SLC67A1: variants seen among roughly 807,000 people sequenced by gnomAD.
The protein encoded by SLC67A1 is solute carrier family 67 member A1.
the SLC67A1 span, among the ~76,000 whole-genome samples, chr11:2,911,608 C>G: frequency 6.6e-6 from 1 of 152,156 alleles, no homozygotes; most frequent in Admixed American, 6.5e-5. Context: ...TCTGCCGGCT[C>G]AGGGCCCAGC....
chr11:2,914,908 G>C, the SLC67A1 span: 1 of 985,444 alleles, frequency 1.0e-6, no homozygotes, highest in Non-Finnish European at 1.2e-6. Context: ...GTGCCTGCTG[G>C]CTGGAGGGAC....
the SLC67A1 span, among the ~76,000 whole-genome samples, chr11:2,924,462 G>A: frequency 1.3e-5 from 2 of 152,270 alleles, no homozygotes; most frequent in South Asian, 2.1e-4. This position sits in a 1 kb window ranked among gnomAD's most constrained non-coding sequence, Gnocchi z 8.6. Context: ...AAGCCCCAAC[G>A]GTGTCTCACA....
the SLC67A1 span, among the ~76,000 whole-genome samples, chr11:2,914,217 T>C: frequency 2.0e-5 from 3 of 152,214 alleles, no homozygotes; most frequent in Admixed American, 2.0e-4. Context: ...CAAATTAACC[T>C]GTCCCCACCT....
At chr11:2,911,576 G>C in the SLC67A1 span, among the ~76,000 whole-genome samples, 3 of 152,084 alleles carry the variant, frequency 2.0e-5, no homozygotes, top group African/African-American at 4.8e-5. Context: ...GCCATCCCAG[G>C]GTGCTGCCCA....
chr11:2,904,265 CCCT>C, the SLC67A1 span, among the ~76,000 whole-genome samples: 1 of 152,218 alleles, frequency 6.6e-6, no homozygotes, highest in Admixed American at 6.5e-5. Context: ...CAGACAGCTG[CCCT>C]CCTCCTCTCA....
At chr11:2,916,834 G>A in the SLC67A1 span, 1 of 1,079,050 alleles carries the variant, frequency 9.3e-7, no homozygotes, top group Non-Finnish European at 1.4e-6. Flanking sequence ...CGGGGGGCCT[G>A]AGGGGAAATC....
chr11:2,921,008 CAGG>C, the SLC67A1 span: 1 of 148,676 alleles, frequency 6.7e-6, no homozygotes, highest in Non-Finnish European at 1.5e-5. Context: ...ATCCCAAGGT[CAGG>C]AGATTGAGAC....
At chr11:2,909,183 C>T in the SLC67A1 span, 11 of 1,499,960 alleles carry the variant, frequency 7.3e-6, no homozygotes, top group African/African-American at 1.4e-4. Flanking sequence ...CCGACCCGCC[C>T]CTCGGCCCCC....
At chr11:2,900,730 A>G in the SLC67A1 span, among the ~76,000 whole-genome samples, 1 of 149,434 alleles carries the variant, frequency 6.7e-6, no homozygotes, top group African/African-American at 2.5e-5. Context: ...TATGGGGGAA[A>G]TTGCCATTTC....
At chr11:2,912,770 C>T in the SLC67A1 span, among the ~76,000 whole-genome samples, 2 of 152,190 alleles carry the variant, frequency 1.3e-5, no homozygotes, top group Admixed American at 1.3e-4. Context: ...GACTCATGTT[C>T]TGAGCCCAGC....
chr11:2,922,315 C>A, the SLC67A1 span: 1 of 1,509,684 alleles, frequency 6.6e-7, no homozygotes, highest in Admixed American at 1.8e-5. Flanking sequence ...CCCCCACACC[C>A]ACCCGGGGCC....
the SLC67A1 span, chr11:2,921,867 C>G: frequency 3.5e-6 from 2 of 568,416 alleles, no homozygotes; most frequent in Admixed American, 3.0e-5. Context: ...TCCTTCCTCC[C>G]TTGTGGAGAG....
chr11:2,909,400 G>A, the SLC67A1 span: 10 of 1,492,780 alleles, frequency 6.7e-6, no homozygotes, highest in African/African-American at 1.5e-5. Flanking sequence ...CGGGTCGGGG[G>A]CAGCCTGCGG....
chr11:2,917,881 C>A, the SLC67A1 span: 1 of 778,000 alleles, frequency 1.3e-6, no homozygotes, highest in Non-Finnish European at 2.0e-6. Flanking sequence ...GGAAGCTTTA[C>A]CCTGGCGGGC....
the SLC67A1 span, chr11:2,921,149 T>G: frequency 1.4e-5 from 2 of 144,416 alleles, no homozygotes; most frequent in African/African-American, 5.2e-5. Context: ...GAGAATGGCG[T>G]GAACCCGGGA....
At chr11:2,922,335 G>C in the SLC67A1 span, 3 of 1,541,032 alleles carry the variant, frequency 1.9e-6, no homozygotes, top group Non-Finnish European at 2.7e-6. Context: ...CAGCTCTTCA[G>C]CAGGGACAGC....
At chr11:2,913,077 G>A in the SLC67A1 span, among the ~76,000 whole-genome samples, 3 of 152,174 alleles carry the variant, frequency 2.0e-5, no homozygotes, top group Non-Finnish European at 4.4e-5. Context: ...GTGCAGGGGT[G>A]TTTGTAACAG....
chr11:2,914,100 G>C, the SLC67A1 span, among the ~76,000 whole-genome samples: 1 of 152,216 alleles, frequency 6.6e-6, no homozygotes, highest in African/African-American at 2.4e-5. Context: ...CGGCAGAGAA[G>C]GGACAGAGGC....
At chr11:2,903,641 T>A in the SLC67A1 span, 1 of 796,578 alleles carries the variant, frequency 1.3e-6, no homozygotes, top group Non-Finnish European at 2.0e-6. Context: ...TTAAGCTGAG[T>A]AAGTTAAGGA....
Sources: allele counts gnomAD v4.1 joint callset (sites outside exome capture counted in the v4.1 genomes callset), GRCh38; gene constraint gnomAD v4.1.1; non-coding constraint Gnocchi (gnomAD v3.1); transcripts MANE v1.5; gene names NCBI Gene and HGNC (gene_info 2026-07-23, HGNC 2026-07-21).